LRMDA: variants seen among roughly 807,000 people sequenced by gnomAD.
LRMDA encodes leucine rich melanocyte differentiation associated.
In LRMDA, 18 loss-of-function variants were observed where a neutral mutation model predicts 29.8. The ratio of observed to expected loss-of-function variants is 0.60; its 90% CI spans 0.42 to 0.90. The LOEUF (loss-of-function observed/expected upper bound fraction) is 0.90, where lower values mean the gene tolerates loss of function less well. LRMDA is among the 40% of genes least tolerant of loss of function. The probability of loss-of-function intolerance (pLI) is 0.00; values close to 1 mark genes in which losing one functional copy is unlikely to be tolerated. For synonymous variants in LRMDA, 125 were observed against 109.4 expected (o/e 1.14, Z -0.89); for missense variants, 273 against 273.9 (o/e 1.00, Z 0.02).
chr10:76,433,820 C>G (rs1842216871), intron 6 of LRMDA: 1 of 152,202 alleles, frequency 6.6e-6, no homozygotes, highest in South Asian at 2.1e-4. Context: ...TGAGCCCATC[C>G]AAATGCTCTG....
At chr10:76,023,723 A>T (rs1848014846) in intron 2 of LRMDA, among the ~76,000 whole-genome samples, 1 of 152,242 alleles carries the variant, frequency 6.6e-6, no homozygotes, top group Admixed American at 6.5e-5. Flanking sequence ...GTTGTTCCTA[A>T]GACAGAGGCT....
intron 5 of LRMDA, among the ~76,000 whole-genome samples, chr10:76,230,565 A>AC (rs1476714788): frequency 1.3e-5 from 2 of 151,596 alleles, no homozygotes; most frequent in Non-Finnish European, 2.9e-5. Flanking sequence ...AAAAAAAAAA[A>AC]AAACCCCAAA....
At chr10:75,687,100 A>G (rs546214511) in intron 2 of LRMDA, among the ~76,000 whole-genome samples, 2 of 152,196 alleles carry the variant, frequency 1.3e-5, no homozygotes, top group African/African-American at 2.4e-5. Flanking sequence ...AGACAAAACA[A>G]TATAGAAATT....
intron 2 of LRMDA, among the ~76,000 whole-genome samples, chr10:75,690,953 G>A (rs1369893503): frequency 7.1e-6 from 1 of 140,982 alleles, no homozygotes; most frequent in Admixed American, 7.4e-5. Context: ...GTGCAACAGA[G>A]CAAGACCCTG....
chr10:76,404,279 T>A (rs1841879817), intron 6 of LRMDA, among the ~76,000 whole-genome samples: 1 of 152,192 alleles, frequency 6.6e-6, no homozygotes, highest in African/African-American at 2.4e-5. Context: ...CCCAAGGCAC[T>A]TTTTTATTAT....
At chr10:76,036,872 C>T (rs967827603) in intron 3 of LRMDA, among the ~76,000 whole-genome samples, 4 of 152,152 alleles carry the variant, frequency 2.6e-5, no homozygotes, top group African/African-American at 9.7e-5. Context: ...GTGGATTACC[C>T]GGCACTAGAA....
At chr10:75,982,780 G>A (rs549573801) in intron 2 of LRMDA, among the ~76,000 whole-genome samples, 2 of 152,294 alleles carry the variant, frequency 1.3e-5, no homozygotes, top group African/African-American at 4.8e-5. Flanking sequence ...GAACAGAAAA[G>A]GAGAGAGAAC....
intron 6 of LRMDA, among the ~76,000 whole-genome samples, chr10:76,554,124 C>T (rs1026969639): frequency 6.6e-6 from 1 of 152,182 alleles, no homozygotes; most frequent in Non-Finnish European, 1.5e-5. Context: ...TTTGCAGCCA[C>T]AGTGAGTTTT....
At chr10:76,231,056 G>A (rs1311683782) in intron 5 of LRMDA, among the ~76,000 whole-genome samples, 1 of 151,990 alleles carries the variant, frequency 6.6e-6, no homozygotes, top group East Asian at 1.9e-4. Context: ...AAAGCAATCT[G>A]CAATTAACAT....
At chr10:75,718,192 G>A (rs570509847) in intron 2 of LRMDA, among the ~76,000 whole-genome samples, 100 of 152,290 alleles carry the variant, frequency 6.6e-4, no homozygotes, top group African/African-American at 2.3e-3. Flanking sequence ...AGTGGCACTC[G>A]ATCAGCAATT....
chr10:76,299,156 CGTGT>C (rs111635114), intron 5 of LRMDA, among the ~76,000 whole-genome samples: 5,357 of 147,138 alleles, frequency 0.036, 115 homozygotes, highest in Middle Eastern at 0.076. Context: ...AGAGAAGAGC[CGTGT>C]GTGTGTGTGT....
chr10:75,467,215 G>A (rs547622538), intron 2 of LRMDA, among the ~76,000 whole-genome samples: 8 of 152,302 alleles, frequency 5.3e-5, no homozygotes, highest in South Asian at 4.1e-4. Flanking sequence ...AGGCTGAACC[G>A]TTCAGGAGGC....
At chr10:76,373,644 T>C (rs74148456) in intron 6 of LRMDA, among the ~76,000 whole-genome samples, 3,274 of 152,222 alleles carry the variant, frequency 0.022, 127 homozygotes, top group African/African-American at 0.072. Flanking sequence ...GAAGGCCCAA[T>C]TGGCCAGTTC....
chr10:75,917,114 C>A (rs1012935397), intron 2 of LRMDA, among the ~76,000 whole-genome samples: 20 of 152,304 alleles, frequency 1.3e-4, no homozygotes, highest in Non-Finnish European at 2.4e-4. Context: ...ACCATCTCCT[C>A]TGCCAAGAAG....
At chr10:75,441,725 C>A (rs1250411953) in intron 2 of LRMDA, among the ~76,000 whole-genome samples, 2 of 152,090 alleles carry the variant, frequency 1.3e-5, no homozygotes, top group Non-Finnish European at 2.9e-5. Context: ...AAAAAATTAA[C>A]CCTTTCCTCT....
At chr10:75,756,295 G>A (rs542653266) in intron 2 of LRMDA, among the ~76,000 whole-genome samples, 1 of 152,216 alleles carries the variant, frequency 6.6e-6, no homozygotes, top group African/African-American at 2.4e-5. Context: ...TCTTAAAAGA[G>A]AGCGGGTGTT....
chr10:76,480,844 G>C (rs578229901), intron 6 of LRMDA, among the ~76,000 whole-genome samples: 1 of 151,796 alleles, frequency 6.6e-6, no homozygotes, highest in Non-Finnish European at 1.5e-5. Context: ...ATAACCCAGC[G>C]AAAAATAATT....
intron 2 of LRMDA, among the ~76,000 whole-genome samples, chr10:75,779,654 C>T (rs941564944): frequency 3.9e-5 from 6 of 152,124 alleles, no homozygotes; most frequent in African/African-American, 1.4e-4. Flanking sequence ...CACAAGGCTT[C>T]GTTTCTTGCT....
chr10:76,485,552 T>C (rs953528534), intron 6 of LRMDA, among the ~76,000 whole-genome samples: 1 of 151,930 alleles, frequency 6.6e-6, no homozygotes, highest in African/African-American at 2.4e-5. Flanking sequence ...TCAATTAAAA[T>C]TTTTTAAAAA....
Sources: allele counts gnomAD v4.1 joint callset (sites outside exome capture counted in the v4.1 genomes callset), GRCh38; gene constraint gnomAD v4.1.1; transcripts MANE v1.5; gene names NCBI Gene and HGNC (gene_info 2026-07-23, HGNC 2026-07-21).